Variants in MCOLN2 observed in about 807,000 individuals in gnomAD.
The protein encoded by MCOLN2 is mucolipin-2.
A neutral mutation model predicts 67.5 loss-of-function variants in MCOLN2; 57 were observed. That is an observed-to-expected ratio of 0.84 (90% CI 0.68 to 1.05). MCOLN2 has a LOEUF of 1.05. Ranked by LOEUF, MCOLN2 falls within the 50% of genes least tolerant of loss-of-function variation. The pLI is 0.00. For missense variants in MCOLN2, 620 were observed against 678.8 expected (o/e 0.91, Z 0.96); for synonymous variants, 246 against 233.3 (o/e 1.05, Z -0.50).
chr1:84,987,552 ACATC>A (rs201543571), intron 1 of MCOLN2, among the ~76,000 whole-genome samples: 1,137 of 93,286 alleles, frequency 0.012, 111 homozygotes, highest in African/African-American at 0.041. Flanking sequence ...ATAGATGTAT[ACATC>A]TATGTATACA....
chr1:84,974,899 G>C (rs1571022804), intron 1 of MCOLN2, among the ~76,000 whole-genome samples: 1 of 152,200 alleles, frequency 6.6e-6, no homozygotes. Flanking sequence ...TAGTCTGGCA[G>C]TACTGCCCAT....
intron 6 of MCOLN2, among the ~76,000 whole-genome samples, chr1:84,947,651 G>A (rs75638058): frequency 0.042 from 6,449 of 152,264 alleles, 481 homozygotes; most frequent in African/African-American, 0.15. Flanking sequence ...GAGAGGTGCC[G>A]GGAGTTCATA....
chr1:84,963,003 C>A (rs1213677080), intron 2 of MCOLN2, among the ~76,000 whole-genome samples: 1 of 152,146 alleles, frequency 6.6e-6, no homozygotes, highest in African/African-American at 2.4e-5. Flanking sequence ...TATCTATATT[C>A]CAACACTGCA....
intron 7 of MCOLN2, 22 bp downstream of exon 7, chr1:84,947,011 G>A: frequency 1.9e-6 from 2 of 1,063,330 alleles, no homozygotes; most frequent in Non-Finnish European, 1.5e-6. Context: ...AATTCCCATG[G>A]GCAAGTATAT....
chr1:84,953,100 A>T (rs1050012304), intron 4 of MCOLN2, among the ~76,000 whole-genome samples: 3 of 152,224 alleles, frequency 2.0e-5, no homozygotes, highest in Non-Finnish European at 4.4e-5. Flanking sequence ...TGTATCAATG[A>T]TAACTCATTA....
At chr1:84,934,786 T>C (rs909190870) in intron 11 of MCOLN2, among the ~76,000 whole-genome samples, 2 of 152,220 alleles carry the variant, frequency 1.3e-5, no homozygotes. Flanking sequence ...TCACCCTCTG[T>C]GCCCAGGCAT....
chr1:84,933,770 G>A (rs1470818649), intron 11 of MCOLN2, among the ~76,000 whole-genome samples: 2 of 152,190 alleles, frequency 1.3e-5, no homozygotes, highest in Non-Finnish European at 2.9e-5. Flanking sequence ...GTCAGTACAT[G>A]TCACATTCAT....
intron 7 of MCOLN2, among the ~76,000 whole-genome samples, chr1:84,946,205 T>A (rs1648094306): frequency 6.6e-6 from 1 of 152,206 alleles, no homozygotes; most frequent in Non-Finnish European, 1.5e-5. Flanking sequence ...CCAAGAATCA[T>A]TTCTTTTCCT....
At chr1:84,950,685 C>G (rs1305747832) in intron 6 of MCOLN2, among the ~76,000 whole-genome samples, 2 of 152,136 alleles carry the variant, frequency 1.3e-5, no homozygotes, top group Non-Finnish European at 2.9e-5. Flanking sequence ...AGTTCACTGG[C>G]AGAGCTTGGA....
At chr1:84,985,403 C>T (rs1158741100) in intron 1 of MCOLN2, among the ~76,000 whole-genome samples, 1 of 152,192 alleles carries the variant, frequency 6.6e-6, no homozygotes, top group Non-Finnish European at 1.5e-5. Context: ...CTTCTAGTCT[C>T]CATCTTCTGT....
At chr1:84,978,348 C>A (rs1003317090) in intron 1 of MCOLN2, among the ~76,000 whole-genome samples, 3 of 151,000 alleles carry the variant, frequency 2.0e-5, no homozygotes, top group African/African-American at 7.3e-5. Flanking sequence ...CAAGAGCAAA[C>A]GAAACCCAAA....
Position 84,931,492 on chromosome 1 carries a change from T to C in MCOLN2, c.1412A>G (p.Gln471Arg). Reference sequence around the variant, plus strand: ...CACCAAGATGCTCTTCTGCTGGATTTGGGCAAAGGTTGCAAACATGTCATC... The same window carrying C: ...CACCAAGATGCTCTTCTGCTGGATTCGGGCAAAGGTTGCAAACATGTCATC... ...NGDDMFATFA[Q>R]IQQKSILVWL... The change falls in exon 12 of 14, where the codon CAA becomes CGA. Residue 471 changes from glutamine to arginine, a missense_variant. By Grantham distance (43) the Gln-to-Arg change is conservative. Coordinates refer to ENST00000370608, the MANE Select transcript of MCOLN2 (RefSeq NM_153259.4). 1 of 1,614,096 alleles carries C rather than the reference T, an allele frequency of 6.2e-7. No homozygotes were observed. The highest frequency in any genetic ancestry group is 8.5e-7 in the Non-Finnish European group (1 of 1,179,980).
chr1:84,948,207 G>A (rs1465188107), intron 6 of MCOLN2, among the ~76,000 whole-genome samples: 1 of 152,216 alleles, frequency 6.6e-6, no homozygotes, highest in Non-Finnish European at 1.5e-5. Flanking sequence ...ACAGCCTGCT[G>A]CTTATCATGT....
chr1:84,957,369 C>G (rs764587304), intron 3 of MCOLN2, among the ~76,000 whole-genome samples: 2 of 152,144 alleles, frequency 1.3e-5, no homozygotes, highest in African/African-American at 2.4e-5. Context: ...ACTAATAGGG[C>G]TTTACTAGCT....
chr1:84,993,628 T>C (rs1651002448), intron 1 of MCOLN2, among the ~76,000 whole-genome samples: 1 of 146,958 alleles, frequency 6.8e-6, no homozygotes, highest in South Asian at 2.2e-4. Context: ...TCTTTTTTTT[T>C]TTTTTTTTTT....
chr1:84,961,059 A>C (rs1397694563), intron 2 of MCOLN2, among the ~76,000 whole-genome samples: 2 of 152,238 alleles, frequency 1.3e-5, no homozygotes, highest in Non-Finnish European at 2.9e-5. Flanking sequence ...CAGGAAATGA[A>C]ATAATGCCCA....
chr1:84,970,099 A>G (rs2102865285), intron 1 of MCOLN2, among the ~76,000 whole-genome samples: 1 of 152,346 alleles, frequency 6.6e-6, no homozygotes, highest in South Asian at 2.1e-4. Context: ...GCAATACTGA[A>G]TTTAGTGTTA....
intron 11 of MCOLN2, 147 bp downstream of exon 11, chr1:84,937,608 A>G: frequency 7.0e-7 from 1 of 1,426,798 alleles, no homozygotes; most frequent in Non-Finnish European, 9.2e-7. Context: ...AAAGGAAAAA[A>G]AGAAAAAGAA....
chr1:84,951,115 T>G (rs996704972), intron 6 of MCOLN2, among the ~76,000 whole-genome samples: 1 of 152,154 alleles, frequency 6.6e-6, no homozygotes, highest in Non-Finnish European at 1.5e-5. Context: ...GCTGGAGACA[T>G]TCTTCCTTAC....
Sources: gnomAD v4.1 joint callset for allele counts (sites outside exome capture counted in the v4.1 genomes callset) on GRCh38, gnomAD v4.1.1 for gene constraint, MANE v1.5 for transcripts, NCBI Gene and HGNC (gene_info 2026-07-23, HGNC 2026-07-21) for gene names.